PCDHGA10: variants seen among roughly 807,000 people sequenced by gnomAD.
PCDHGA10 encodes the protein protocadherin gamma-A10.
PCDHGA10 carries 42 observed loss-of-function variants against 59.5 expected under a neutral mutation model. That is an observed-to-expected ratio of 0.71 (90% CI 0.55 to 0.91). The LOEUF (loss-of-function observed/expected upper bound fraction) is 0.91. Ranked by LOEUF, PCDHGA10 falls within the 40% of genes least tolerant of loss-of-function variation. The pLI, the probability that PCDHGA10 is intolerant of heterozygous loss-of-function variation, is 0.00. For synonymous variants in PCDHGA10, 511 were observed against 517.2 expected, an observed-to-expected ratio of 0.99 and a Z score of 0.16; for missense variants, 1,111 against 1,198.2, an observed-to-expected ratio of 0.93 and a Z score of 1.07.
chr5:141,457,579 A>G (rs557894260), intron 1 of PCDHGA10, among the ~76,000 whole-genome samples: 123 of 152,346 alleles, frequency 8.1e-4, no homozygotes, highest in Non-Finnish European at 1.4e-3. Flanking sequence ...TTTTCTCTCC[A>G]GTCCTCATTT....
At chr5:141,419,273 G>A (rs751868316) in intron 1 of PCDHGA10, 2 of 1,614,034 alleles carry the variant, frequency 1.2e-6, no homozygotes, top group South Asian at 1.1e-5. Flanking sequence ...TGCCTCCATA[G>A]CGCAAGTCAG....
At chr5:141,500,672 C>A (rs2099801937) in intron 2 of PCDHGA10, among the ~76,000 whole-genome samples, 1 of 152,156 alleles carries the variant, frequency 6.6e-6, no homozygotes, top group South Asian at 2.1e-4. Context: ...TACTGTCCAA[C>A]AGAATTATAG....
chr5:141,431,190 A>G lies in PCDHGA10; in HGVS notation c.2436+15579A>G, dbSNP rs1363655439. 1 of 1,614,228 alleles carries G rather than the reference A, an allele frequency of 6.2e-7. No homozygotes were observed. Among genetic ancestry groups the G allele is most frequent in the Non-Finnish European group, 8.5e-7 (1 of 1,180,038 alleles). ...AGTGAATTAGAAATAAAAATTAGTGAAAATGCAGCCACTGAGATGCGGTTC... is the reference window on the plus strand; with the variant it reads ...AGTGAATTAGAAATAAAAATTAGTGGAAATGCAGCCACTGAGATGCGGTTC... On this transcript the variant is annotated intron_variant, in intron 1 of 3. Transcript: ENST00000398610. This position sits in a 1 kb window ranked among gnomAD's most constrained non-coding sequence, Gnocchi z 4.8.
chr5:141,485,886 A>G lies in PCDHGA10; in HGVS notation c.2437-8921A>G. 1.9e-6 allele frequency: 3 copies of G among 1,614,132 alleles called. No individual in the cohort carries two copies. Among genetic ancestry groups the G allele is most frequent in the Non-Finnish European group, 2.5e-6 (3 of 1,180,016 alleles). On this transcript the variant is annotated intron_variant, in intron 1 of 3. Transcript: ENST00000398610. This position sits in a 1 kb window ranked among gnomAD's most constrained non-coding sequence, Gnocchi z 5.7. ...GTATCCGTGCTGGACGTAAACGACAACGCCCCAGCCTTCCAGCAATCCAGC... is the reference window on the plus strand; with the variant it reads ...GTATCCGTGCTGGACGTAAACGACAGCGCCCCAGCCTTCCAGCAATCCAGC...
chr5:141,420,118 T>C (rs2096468123), intron 1 of PCDHGA10: 2 of 1,613,844 alleles, frequency 1.2e-6, no homozygotes, highest in Admixed American at 1.7e-5. Flanking sequence ...ATGCCTATAA[T>C]TTTTGTGTGC....
intron 1 of PCDHGA10, among the ~76,000 whole-genome samples, chr5:141,445,156 GT>G (rs1248104914): frequency 6.6e-6 from 1 of 152,018 alleles, no homozygotes; most frequent in Non-Finnish European, 1.5e-5. Flanking sequence ...TTCATTTCTA[GT>G]TTACAGAAAA....
Position 141,415,445 on chromosome 5 carries a change from A to G in PCDHGA10, c.2270A>G (p.Tyr757Cys), listed in dbSNP as rs1225407576. Reference protein sequence around the residue: ...VDGVRAFLQTYSHEVSLTADS... With the variant: ...VDGVRAFLQTCSHEVSLTADS... ...GGGGTTCGGGCTTTCCTGCAGACCT[A>G]TTCCCACGAGGTCTCTCTCACCGCG... is the stretch of plus-strand genomic sequence containing the variant. Residue 757 changes from tyrosine (Y) to cysteine (C), a missense_variant, in exon 1 of 4, where the codon TAT (tyrosine) becomes TGT (cysteine). Tyr to Cys is a radical substitution (Grantham distance 194). Transcript: ENST00000398610. The G allele has an allele frequency of 4.3e-6, 7 of 1,614,202 alleles. No homozygotes were observed. Among genetic ancestry groups the G allele is most frequent in the South Asian group, 1.1e-5 (1 of 91,082 alleles).
intron 1 of PCDHGA10, among the ~76,000 whole-genome samples, chr5:141,444,714 CTTGGTGCCT>C (rs2098445168): frequency 6.6e-6 from 1 of 152,122 alleles, no homozygotes; most frequent in Non-Finnish European, 1.5e-5. Context: ...GTTGAATTTG[CTTGGTGCCT>C]TTGTTGAAAG....
intron 3 of PCDHGA10, among the ~76,000 whole-genome samples, chr5:141,508,579 G>A (rs569867127): frequency 6.6e-6 from 1 of 152,234 alleles, no homozygotes; most frequent in East Asian, 1.9e-4. Flanking sequence ...ACCCACTCGG[G>A]GTGCTACTCA....
intron 3 of PCDHGA10, 89 bp downstream of exon 3, chr5:141,505,570 C>G: frequency 6.3e-7 from 1 of 1,598,162 alleles, no homozygotes; most frequent in Admixed American, 1.7e-5. Context: ...GACTGGATGT[C>G]AAACCTGTGT....
chr5:141,427,832 T>C, intron 1 of PCDHGA10: 1 of 1,540,264 alleles, frequency 6.5e-7, no homozygotes, highest in Non-Finnish European at 8.9e-7. Flanking sequence ...TCGCGCAGCG[T>C]GCCTTCGACC....
In PCDHGA10 at chr5:141,487,934, C is replaced by T; in HGVS notation, c.2437-6873C>T. 4.9e-6 allele frequency: 3 copies of T among 607,674 alleles called. No homozygotes were observed. The highest frequency in any genetic ancestry group is 2.1e-5 in the South Asian group (1 of 48,014). 37.6% of individuals were successfully genotyped at this position (607,674 alleles called of 1,614,324 possible). Reference sequence around the variant, plus strand: ...ACAGGAGGCTACAGTGCACAGGGTACAGTGCACCAGGCAGTCACTTGGACA... The same window carrying T: ...ACAGGAGGCTACAGTGCACAGGGTATAGTGCACCAGGCAGTCACTTGGACA... On this transcript the variant is annotated intron_variant, in intron 1 of 3. Transcript: ENST00000398610. This position sits in a 1 kb window ranked among gnomAD's most constrained non-coding sequence, Gnocchi z 5.0.
chr5:141,443,104 C>A (rs950011995), intron 1 of PCDHGA10, among the ~76,000 whole-genome samples: 1 of 151,854 alleles, frequency 6.6e-6, no homozygotes, highest in East Asian at 1.9e-4. Flanking sequence ...TCAAGCTGAA[C>A]CTTGCTTTTC....
In PCDHGA10 at chr5:141,473,538, T is replaced by C. The variant is rs544537855; in HGVS notation, c.2437-21269T>C. Among the ~76,000 whole-genome samples, 58 of 152,328 alleles carry C rather than the reference T, an allele frequency of 3.8e-4. 1 individual carries two copies. Among genetic ancestry groups the C allele is most frequent in the African/African-American group, 1.3e-3 (55 of 41,576 alleles). Reference sequence around the variant, plus strand: ...AAGGATCCTGGTTTTAACTGGGGCCTAATGGAAGACCTCTATTAGGAAATA... The same window carrying C: ...AAGGATCCTGGTTTTAACTGGGGCCCAATGGAAGACCTCTATTAGGAAATA... On this transcript the variant is annotated intron_variant, in intron 1 of 3. Coordinates refer to ENST00000398610, the MANE Select transcript of PCDHGA10 (RefSeq NM_018913.3).
Position 141,413,459 on chromosome 5 carries a change from A to G in PCDHGA10, c.284A>G (p.Asp95Gly). The change falls in exon 1 of 4, where the codon GAC becomes GGC. Residue 95 changes from aspartate (D) to glycine (G), a missense_variant. Coordinates refer to ENST00000398610, the MANE Select transcript of PCDHGA10 (RefSeq NM_018913.3). The stretch of plus-strand genomic sequence containing the variant: ...AGCTTGATCACCGCGGGCAGGATAG[A>G]CCGGGAGGAGCTCTGCGCTCAGAGC... Reference protein sequence around the residue: ...SGSLITAGRIDREELCAQSAR... With the variant: ...SGSLITAGRIGREELCAQSAR... The G allele has an allele frequency of 6.2e-7, 1 of 1,614,080 alleles. No individual in the cohort carries two copies. The highest frequency in any genetic ancestry group is 8.5e-7 in the Non-Finnish European group (1 of 1,179,962).
Position 141,428,338 on chromosome 5 carries a change from T to C in PCDHGA10, c.2436+12727T>C, listed in dbSNP as rs575215422. 427 of 592,394 alleles carry C rather than the reference T, an allele frequency of 7.2e-4. 1 individual carries two copies. The highest frequency in any genetic ancestry group is 1.3e-3 in the Non-Finnish European group (409 of 326,444). 36.7% of individuals were successfully genotyped at this position (592,394 alleles called of 1,614,324 possible). ...CTTGGCCTTGATTTCTATGCTCTTC[T>C]TCCTCGCAGTGATTTTGGCGGTCGC... On this transcript the variant is annotated intron_variant, in intron 1 of 3. Coordinates refer to ENST00000398610, the MANE Select transcript of PCDHGA10 (RefSeq NM_018913.3).
At chr5:141,494,999 G>T in intron 2 of PCDHGA10, 134 bp downstream of exon 2, 1 of 1,531,046 alleles carries the variant, frequency 6.5e-7, no homozygotes, top group Non-Finnish European at 8.8e-7. Context: ...GGGAGGTCTT[G>T]GTGTGCGGGG....
At chr5:141,450,008 T>C (rs78952430) in intron 1 of PCDHGA10, among the ~76,000 whole-genome samples, 2 of 37,390 alleles carry the variant, frequency 5.3e-5, no homozygotes, top group African/African-American at 6.8e-4. Flanking sequence ...CCATGTCTCT[T>C]TTTTTTTTTT....
chr5:141,420,669 G>A (rs1018355067), intron 1 of PCDHGA10, among the ~76,000 whole-genome samples: 2 of 152,202 alleles, frequency 1.3e-5, no homozygotes, highest in South Asian at 2.1e-4. Context: ...CATCCTACCT[G>A]ATGATTTTAT....
Sources: allele counts gnomAD v4.1 joint callset (sites outside exome capture counted in the v4.1 genomes callset), GRCh38; gene constraint gnomAD v4.1.1; non-coding constraint Gnocchi (gnomAD v3.1); transcripts MANE v1.5; gene names NCBI Gene and HGNC (gene_info 2026-07-23, HGNC 2026-07-21).